The following GALNTL6 variants were observed in gnomAD, a reference collection of about 807,000 sequenced individuals.
GALNTL6 encodes the protein polypeptide N-acetylgalactosaminyltransferase like 6, also known as polypeptide N-acetylgalactosaminyltransferase-like 6.
A neutral mutation model predicts 73.7 loss-of-function variants in GALNTL6; 46 were observed. The ratio of observed to expected loss-of-function variants is 0.62; its 90% confidence interval spans 0.49 to 0.80. GALNTL6 has a LOEUF of 0.80. Ranked by LOEUF, GALNTL6 falls within the 30% of genes least tolerant of loss-of-function variation. The probability of loss-of-function intolerance (pLI) is 0.00; values close to 1 mark genes in which losing one functional copy is unlikely to be tolerated. For synonymous variants in GALNTL6, 259 were observed against 263.7 expected (o/e 0.98, Z 0.17); for missense variants, 604 against 755.0 (o/e 0.80, Z 2.34).
chr4:172,969,555 G>GA (rs1001861507), intron 10 of GALNTL6, among the ~76,000 whole-genome samples: 7 of 151,936 alleles, frequency 4.6e-5, no homozygotes, highest in Non-Finnish European at 8.8e-5. Context: ...GTTAAAACAA[G>GA]AAAAAAAATA....
chr4:172,299,929 C>G (rs1739845978), intron 3 of GALNTL6, among the ~76,000 whole-genome samples: 1 of 152,084 alleles, frequency 6.6e-6, no homozygotes. Flanking sequence ...TCCTTGTGAA[C>G]TTTCTGTCTT....
intron 11 of GALNTL6, among the ~76,000 whole-genome samples, chr4:173,014,003 C>A: frequency 6.6e-6 from 1 of 150,628 alleles, no homozygotes; most frequent in African/African-American, 2.4e-5. Context: ...ATTCAAAAAA[C>A]ACAAAAGGAG....
intron 7 of GALNTL6, among the ~76,000 whole-genome samples, chr4:172,827,998 A>ATGGTGGC (rs1742360353): frequency 6.6e-6 from 1 of 152,060 alleles, no homozygotes; most frequent in Non-Finnish European, 1.5e-5. Flanking sequence ...AGGACCAGGC[A>ATGGTGGC]TGGTGGCTCA....
intron 2 of GALNTL6, among the ~76,000 whole-genome samples, chr4:171,940,634 C>A (rs903759518): frequency 1.3e-5 from 2 of 151,740 alleles, no homozygotes; most frequent in African/African-American, 4.8e-5. Context: ...CCAGCCTGAC[C>A]AACATGGTGA....
intron 5 of GALNTL6, among the ~76,000 whole-genome samples, chr4:172,361,850 C>A (rs1445694880): frequency 6.6e-6 from 1 of 152,102 alleles, no homozygotes; most frequent in African/African-American, 2.4e-5. Context: ...TTGGCTTTCC[C>A]TTTACTAGCT....
intron 7 of GALNTL6, among the ~76,000 whole-genome samples, chr4:172,828,577 A>T (rs986880998): frequency 3.9e-5 from 6 of 152,192 alleles, no homozygotes; most frequent in African/African-American, 1.4e-4. Context: ...AAAAAGAGAA[A>T]AAAACAGAAT....
At chr4:172,773,616 C>A (rs1220442953) in intron 5 of GALNTL6, among the ~76,000 whole-genome samples, 12 of 106,032 alleles carry the variant, frequency 1.1e-4, no homozygotes, top group Non-Finnish European at 2.6e-4. Flanking sequence ...AAAAAACCCA[C>A]TTCCATTTTT....
intron 2 of GALNTL6, among the ~76,000 whole-genome samples, chr4:172,113,261 AG>A (rs1209407321): frequency 1.3e-5 from 2 of 152,036 alleles, no homozygotes; most frequent in Non-Finnish European, 2.9e-5. Flanking sequence ...AGCATTATAT[AG>A]GTAAGATATT....
intron 3 of GALNTL6, among the ~76,000 whole-genome samples, chr4:172,264,127 A>C (rs1738351892): frequency 6.6e-6 from 1 of 151,736 alleles, no homozygotes; most frequent in East Asian, 1.9e-4. Context: ...GAGATAAAGA[A>C]GGCCTGGGAA....
intron 7 of GALNTL6, among the ~76,000 whole-genome samples, chr4:172,834,785 C>A (rs759631108): frequency 8.5e-5 from 13 of 152,220 alleles, no homozygotes; most frequent in Non-Finnish European, 1.9e-4. Flanking sequence ...CCTTCTCTCA[C>A]CCTGGAGGAG....
At chr4:172,028,378 AC>A (rs1460010253) in intron 2 of GALNTL6, among the ~76,000 whole-genome samples, 20 of 152,184 alleles carry the variant, frequency 1.3e-4, no homozygotes, top group Admixed American at 1.1e-3. Flanking sequence ...ATAAGAAGTT[AC>A]CTTTGAGAAA....
At chr4:172,147,139 T>C (rs1156994131) in intron 2 of GALNTL6, among the ~76,000 whole-genome samples, 1 of 152,192 alleles carries the variant, frequency 6.6e-6, no homozygotes, top group African/African-American at 2.4e-5. Context: ...ATATATTTGT[T>C]ACTGTCAACT....
chr4:172,014,093 T>G (rs972623435), intron 2 of GALNTL6, among the ~76,000 whole-genome samples: 2 of 152,138 alleles, frequency 1.3e-5, no homozygotes, highest in Non-Finnish European at 2.9e-5. Flanking sequence ...TGTGCATATA[T>G]GCCACATTTT....
intron 8 of GALNTL6, among the ~76,000 whole-genome samples, chr4:172,906,943 G>A (rs1746927972): frequency 6.6e-6 from 1 of 151,974 alleles, no homozygotes; most frequent in Admixed American, 6.6e-5. Context: ...CTTCTTCACC[G>A]ACTTCATAGA....
intron 5 of GALNTL6, among the ~76,000 whole-genome samples, chr4:172,552,781 T>C (rs1283915925): frequency 5.7e-5 from 2 of 35,234 alleles, no homozygotes; most frequent in African/African-American, 3.0e-4. Context: ...GGGTTACTGA[T>C]AACTAATATC....
At chr4:172,971,320 CA>C (rs1235357390) in intron 10 of GALNTL6, among the ~76,000 whole-genome samples, 1 of 152,126 alleles carries the variant, frequency 6.6e-6, no homozygotes, top group Non-Finnish European at 1.5e-5. Flanking sequence ...ACAAGGCCAT[CA>C]AAAAGCAGTT....
chr4:172,266,510 A>C (rs1187297431), intron 3 of GALNTL6, among the ~76,000 whole-genome samples: 1 of 152,160 alleles, frequency 6.6e-6, no homozygotes, highest in Non-Finnish European at 1.5e-5. Flanking sequence ...AACTAGGTTA[A>C]ATAATTCTTA....
intron 2 of GALNTL6, among the ~76,000 whole-genome samples, chr4:172,134,856 C>A (rs1379138630): frequency 6.6e-6 from 1 of 152,204 alleles, no homozygotes; most frequent in East Asian, 1.9e-4. Flanking sequence ...TGTCCCTCCT[C>A]TGAGTCTTGG....
At chr4:172,313,691 G>A (rs990051461) in intron 4 of GALNTL6, among the ~76,000 whole-genome samples, 8 of 151,960 alleles carry the variant, frequency 5.3e-5, no homozygotes, top group East Asian at 3.9e-4. Context: ...TAAATGTTAC[G>A]GAAGAAAAAT....
Sources: allele counts gnomAD v4.1 joint callset (sites outside exome capture counted in the v4.1 genomes callset), GRCh38; gene constraint gnomAD v4.1.1; transcripts MANE v1.5; gene names NCBI Gene and HGNC (gene_info 2026-07-23, HGNC 2026-07-21).